Variants in DPYSL5 observed in about 807,000 individuals in gnomAD.
DPYSL5 encodes dihydropyrimidinase like 5.
In DPYSL5, 9 loss-of-function variants were observed where a neutral mutation model predicts 58.4. The ratio of observed to expected loss-of-function variants is 0.15; its 90% CI spans 0.09 to 0.27. The LOEUF (loss-of-function observed/expected upper bound fraction) is 0.27. DPYSL5 is among the 10% of genes least tolerant of loss of function. The pLI is 1.00. For missense variants in DPYSL5, 499 were observed against 770.6 expected, an observed-to-expected ratio of 0.65 and a Z score of 4.17; for synonymous variants, 293 against 301.9, an observed-to-expected ratio of 0.97 and a Z score of 0.31.
chr2:26,888,520 C>T (rs570626505), intron 1 of DPYSL5, among the ~76,000 whole-genome samples: 5 of 152,276 alleles, frequency 3.3e-5, no homozygotes, highest in African/African-American at 2.4e-5. Context: ...GATCCACCCA[C>T]CTCGACCTCC....
At position 26,944,642 on chromosome 2, in the gene DPYSL5, C is replaced by T. The variant is rs939818541; in HGVS notation, c.1441-14C>T. On this transcript the variant is annotated splice_polypyrimidine_tract_variant and intron_variant, in intron 11 of 12. Transcript: ENST00000288699. The surrounding 1 kb of genome is among the most constrained non-coding windows in gnomAD (Gnocchi z 4.4). ...GTTGTCCTGTTCTTCTGCTCTTCTTCCATCCTTCCCTAGACTTTAAAGGTT... is the reference window on the plus strand; with the variant it reads ...GTTGTCCTGTTCTTCTGCTCTTCTTTCATCCTTCCCTAGACTTTAAAGGTT... The T allele has an allele frequency of 6.2e-7, 1 of 1,612,012 alleles. No homozygotes were observed. Among genetic ancestry groups the T allele is most frequent in the African/African-American group, 1.3e-5 (1 of 75,006 alleles).
chr2:26,916,265 C>T (rs139244063), intron 2 of DPYSL5, among the ~76,000 whole-genome samples: 2 of 152,294 alleles, frequency 1.3e-5, no homozygotes, highest in East Asian at 3.9e-4. Context: ...TGAGCTTGTA[C>T]ACTACAGCCA....
At chr2:26,932,192 AAAGAAAGAAAG>A (rs1432304193) in intron 6 of DPYSL5, among the ~76,000 whole-genome samples, 32 of 83,476 alleles carry the variant, frequency 3.8e-4, no homozygotes, top group Non-Finnish European at 7.5e-4. Flanking sequence ...AGAAAGAAAG[AAAGAAAGAAAG>A]AAAGAAAAGA....
At position 26,925,270 on chromosome 2, in the gene DPYSL5, G is replaced by A. The variant is rs901675172; in HGVS notation, c.420+225G>A. On this transcript the variant is annotated intron_variant, in intron 3 of 12. Coordinates refer to ENST00000288699, the MANE Select transcript of DPYSL5 (RefSeq NM_020134.4). The surrounding 1 kb of genome is among the most constrained non-coding windows in gnomAD (Gnocchi z 4.5). ...TTCCGGCAGGCACAGAGAGGCCAAG[G>A]CCAGAGCCCAGGCCTTGGGGATGCA... is the stretch of plus-strand genomic sequence containing the variant. Among the ~76,000 whole-genome samples the A allele has an allele frequency of 4.6e-5, 7 of 152,186 alleles. No individual in the cohort carries two copies. Among genetic ancestry groups the A allele is most frequent in the Non-Finnish European group, 7.3e-5 (5 of 68,032 alleles).
rs547844784 is a variant in DPYSL5, at chr2:26,858,612, C to A, written c.-5+10358C>A. On this transcript the variant is annotated intron_variant, in intron 1 of 12. Transcript: ENST00000288699. ...TGGAGACAAGGTCTCACTCTGTCAC[C>A]CAGGCTAGAGTGCAGTGGCATGATT... Among the ~76,000 whole-genome samples, 35 of 151,718 alleles carry A rather than the reference C, an allele frequency of 2.3e-4. 1 individual carries two copies. The East Asian group carries it at 6.6e-3, about 29-fold the overall frequency.
At chr2:26,928,741 G>GCACACACA (rs1156701218) in intron 5 of DPYSL5, among the ~76,000 whole-genome samples, 3 of 28,126 alleles carry the variant, frequency 1.1e-4, no homozygotes, top group South Asian at 1.6e-3. Context: ...GCACACACAC[G>GCACACACA]CACACACATA....
At chr2:26,923,808 C>T (rs540146103) in intron 2 of DPYSL5, among the ~76,000 whole-genome samples, 3 of 152,162 alleles carry the variant, frequency 2.0e-5, no homozygotes, top group South Asian at 2.1e-4. Flanking sequence ...TTACAGGCAC[C>T]CACCATCACA....
chr2:26,936,216 G>A lies in DPYSL5; in HGVS notation c.947+1482G>A, dbSNP rs553004255. On this transcript the variant is annotated intron_variant, in intron 8 of 12. Transcript: ENST00000288699. ...CCCTCAGTCTCCCTCCGAGGGTCCC[G>A]CTTTCTAGACCTGGGGGATGGGGAT... Among the ~76,000 whole-genome samples the A allele has an allele frequency of 1.2e-4, 19 of 152,320 alleles. No homozygotes were observed. In the East Asian group the frequency reaches 2.1e-3, roughly 17 times the overall value.
Position 26,949,031 on chromosome 2 carries a change from C to A in DPYSL5, c.*2036C>A, listed in dbSNP as rs907144120. On this transcript the variant is annotated 3_prime_UTR_variant, in exon 13 of 13. Coordinates refer to ENST00000288699, the MANE Select transcript of DPYSL5 (RefSeq NM_020134.4). Reference sequence around the variant, plus strand: ...ACCCAGAAAGTTCAGGTCCTCTGACCCCAGAAGTGTCTGTGATGACCCTCC... The same window carrying A: ...ACCCAGAAAGTTCAGGTCCTCTGACACCAGAAGTGTCTGTGATGACCCTCC... The A allele has an allele frequency of 6.6e-6, 1 of 152,170 alleles. No homozygotes were observed. The highest frequency in any genetic ancestry group is 2.4e-5 in the African/African-American group (1 of 41,400). 9.4% of individuals were successfully genotyped at this position (152,170 alleles called of 1,614,324 possible).
At chr2:26,848,738 C>G (rs962425334) in intron 1 of DPYSL5, among the ~76,000 whole-genome samples, 2 of 152,218 alleles carry the variant, frequency 1.3e-5, no homozygotes, top group Non-Finnish European at 2.9e-5. Context: ...TTCTCGCCTC[C>G]GAGCTGGGAT....
chr2:26,944,875 C>T lies in DPYSL5; in HGVS notation c.1609+51C>T. 6.3e-7 allele frequency: 1 copy of T among 1,575,100 alleles called. No homozygotes were observed. Among genetic ancestry groups the T allele is most frequent in the Non-Finnish European group, 8.7e-7 (1 of 1,153,118 alleles). On this transcript the variant is annotated intron_variant, in intron 12 of 12. Coordinates refer to ENST00000288699, the MANE Select transcript of DPYSL5 (RefSeq NM_020134.4). The surrounding 1 kb of genome is among the most constrained non-coding windows in gnomAD (Gnocchi z 4.4). ...AGGATGGGGGTCTGGGAGAAGTGGC[C>T]CACCTAGGCAGTGGGACTTACGCCT...
rs1665414483 is a variant in DPYSL5 at position 26,944,477 on chromosome 2, T to G, written c.1441-179T>G. ...ATATGCACATGCTCTTTAGGAGGTA[T>G]GAGAAAACTCCAGCCCCTGGACTCA... On this transcript the variant is annotated intron_variant, in intron 11 of 12. Coordinates refer to ENST00000288699, the MANE Select transcript of DPYSL5 (RefSeq NM_020134.4). The surrounding 1 kb of genome is among the most constrained non-coding windows in gnomAD (Gnocchi z 4.4). Among the ~76,000 whole-genome samples the G allele has an allele frequency of 6.6e-6, 1 of 152,090 alleles. No individual in the cohort carries two copies. The highest frequency in any genetic ancestry group is 6.5e-5 in the Admixed American group (1 of 15,272).
At chr2:26,928,589 C>T (rs1407415433) in intron 5 of DPYSL5, among the ~76,000 whole-genome samples, 1 of 149,656 alleles carries the variant, frequency 6.7e-6, no homozygotes, top group African/African-American at 2.5e-5. Context: ...TCCCAGCTAA[C>T]TACTTGGGAG....
intron 2 of DPYSL5, among the ~76,000 whole-genome samples, chr2:26,899,972 C>T (rs759285064): frequency 9.2e-5 from 14 of 152,206 alleles, no homozygotes; most frequent in Non-Finnish European, 1.8e-4. Flanking sequence ...TGCCTGGTGA[C>T]AGTCGGGACC....
At position 26,944,698 on chromosome 2, in the gene DPYSL5, G is replaced by C; in HGVS notation, c.1483G>C (p.Asp495His). 1.2e-6 allele frequency: 2 copies of C among 1,614,126 alleles called. No individual in the cohort carries two copies. The highest frequency in any genetic ancestry group is 1.7e-6 in the Non-Finnish European group (2 of 1,180,006). The part of the protein sequence containing the change: ...RGVDRTPYLG[D>H]VAVVVHPGKK... ...AGTGGACCGCACTCCCTACCTGGGG[G>C]ATGTCGCTGTTGTCGTGCACCCTGG... The change falls in exon 12 of 13, where the codon GAT becomes CAT. Residue 495 changes from aspartate to histidine, a missense_variant. Asp to His is a moderately conservative substitution (Grantham distance 81). This residue lies in a region of DPYSL5 where 62 missense variants were observed against 59.2 expected (regional missense o/e 1.05). Coordinates refer to ENST00000288699, the MANE Select transcript of DPYSL5 (RefSeq NM_020134.4). The surrounding 1 kb of genome is among the most constrained non-coding windows in gnomAD (Gnocchi z 4.4).
chr2:26,888,260 T>TCTTC (rs1663778556), intron 1 of DPYSL5, among the ~76,000 whole-genome samples: 1 of 149,724 alleles, frequency 6.7e-6, no homozygotes, highest in Non-Finnish European at 1.5e-5. Flanking sequence ...TTTCTTTCTT[T>TCTTC]CTTTCTGTCT....
chr2:26,948,069 GCCA>G lies in DPYSL5; in HGVS notation c.*1079_*1081del. 8.2e-6 allele frequency: 1 copy of G among 121,830 alleles called. No homozygotes were observed. Among genetic ancestry groups the G allele is most frequent in the Non-Finnish European group, 1.6e-5 (1 of 61,816 alleles). The allele number at this position is 121,830 out of a possible 1,614,324, so 7.5% of individuals were successfully genotyped here. The stretch of plus-strand genomic sequence containing the variant: ...CCCTTGCCTTCCCCTGTCTTCACCT[GCCA>G]CCACACACACACACACACACACACA... On this transcript the variant is annotated 3_prime_UTR_variant, in exon 13 of 13. Coordinates refer to ENST00000288699, the MANE Select transcript of DPYSL5 (RefSeq NM_020134.4).
chr2:26,946,734 C>T (rs62130479), intron 12 of DPYSL5, among the ~76,000 whole-genome samples, 176 bp from the exon 13 acceptor site: 4 of 150,048 alleles, frequency 2.7e-5, no homozygotes, highest in African/African-American at 9.8e-5. Flanking sequence ...CACACTGCAA[C>T]ATGGGGCAAG....
chr2:26,934,675 G>A lies in DPYSL5; in HGVS notation c.888G>A (p.Thr296=), dbSNP rs201333467. 13 of 1,614,134 alleles carry A rather than the reference G, an allele frequency of 8.1e-6. No homozygotes were observed. The highest frequency in any genetic ancestry group is 5.0e-5 in the Admixed American group (3 of 60,012). ...GGTCCCACGCGGCTGCCTATGTCAC[G>A]GTGCCTCCCCTGAGACTGGACACCA... is the stretch of plus-strand genomic sequence containing the variant. ...QDWSHAAAYV[T]VPPLRLDTNT... Residue 296 remains threonine (T), a synonymous_variant, in exon 8 of 13, where the codon ACG becomes ACA. Coordinates refer to ENST00000288699, the MANE Select transcript of DPYSL5 (RefSeq NM_020134.4). The surrounding 1 kb of genome is among the most constrained non-coding windows in gnomAD (Gnocchi z 4.3).
Sources: gnomAD v4.1 joint callset for allele counts (sites outside exome capture counted in the v4.1 genomes callset) on GRCh38, gnomAD v4.1.1 for gene constraint, gnomAD v4.1.1 regional missense constraint, Gnocchi (gnomAD v3.1) non-coding constraint, MANE v1.5 for transcripts, NCBI Gene and HGNC (gene_info 2026-07-23, HGNC 2026-07-21) for gene names.